RSU1: variants seen among roughly 807,000 people sequenced by gnomAD.
RSU1 encodes the protein rsu-1.
A neutral mutation model predicts 31.1 loss-of-function variants in RSU1; 26 were observed. That is an observed-to-expected ratio of 0.84 (90% CI 0.61 to 1.16). RSU1 has a LOEUF of 1.16. Ranked by LOEUF, RSU1 falls within the 50% of genes most tolerant of loss-of-function variation. The pLI is 0.00. For synonymous variants in RSU1, 164 were observed against 136.3 expected (o/e 1.20, Z -1.41); for missense variants, 320 against 339.1 (o/e 0.94, Z 0.44).
At chr10:16,605,473 G>A (rs1347975060) in intron 8 of RSU1, among the ~76,000 whole-genome samples, 1 of 152,140 alleles carries the variant, frequency 6.6e-6, no homozygotes, top group African/African-American at 2.4e-5. Context: ...CAAATACATG[G>A]ATCCCAACTG....
chr10:16,717,892 T>G (rs1836175691), intron 7 of RSU1, among the ~76,000 whole-genome samples: 1 of 152,022 alleles, frequency 6.6e-6, no homozygotes, highest in Non-Finnish European at 1.5e-5. Context: ...ACCACAATTT[T>G]GGACGCGGGT....
chr10:16,772,105 A>G (rs1837434425), intron 3 of RSU1, among the ~76,000 whole-genome samples: 1 of 152,226 alleles, frequency 6.6e-6, no homozygotes, highest in Non-Finnish European at 1.5e-5. Flanking sequence ...CCCTGGCTTA[A>G]CTCACCGCAA....
intron 8 of RSU1, among the ~76,000 whole-genome samples, chr10:16,593,860 C>T (rs778269898): frequency 1.5e-4 from 23 of 152,158 alleles, no homozygotes; most frequent in Non-Finnish European, 2.8e-4. Context: ...TAGTGAAAAG[C>T]GAGCATGATG....
intron 2 of RSU1, among the ~76,000 whole-genome samples, chr10:16,800,927 A>T (rs1174368349): frequency 6.6e-6 from 1 of 151,562 alleles, no homozygotes; most frequent in Non-Finnish European, 1.5e-5. Flanking sequence ...TAAATGCTCA[A>T]TTAAAGCCAC....
At chr10:16,594,747 TAAAATATACTATATTATCTATTATATATC>T (rs1457530286) in intron 8 of RSU1, among the ~76,000 whole-genome samples, 7 of 145,546 alleles carry the variant, frequency 4.8e-5, no homozygotes, top group Non-Finnish European at 1.1e-4. Flanking sequence ...ATATATCATA[TAAAATATACTATATTATCTATTATATATC>T]ATATATATAT....
At chr10:16,636,114 C>T (rs1834340863) in intron 8 of RSU1, among the ~76,000 whole-genome samples, 1 of 152,152 alleles carries the variant, frequency 6.6e-6, no homozygotes, top group African/African-American at 2.4e-5. Flanking sequence ...TAAGTGATCT[C>T]TTCCAGACTC....
intron 8 of RSU1, among the ~76,000 whole-genome samples, chr10:16,671,162 A>G (rs1262610663): frequency 2.0e-5 from 3 of 152,148 alleles, no homozygotes; most frequent in Non-Finnish European, 4.4e-5. Flanking sequence ...ACTACTCACA[A>G]TTGCAAAGAC....
intron 8 of RSU1, among the ~76,000 whole-genome samples, chr10:16,658,673 G>C (rs564107617): frequency 6.6e-6 from 1 of 152,200 alleles, no homozygotes; most frequent in African/African-American, 2.4e-5. Flanking sequence ...GCAGTAAGCT[G>C]AGATCGCGCC....
At chr10:16,708,218 A>G (rs1835943814) in intron 7 of RSU1, among the ~76,000 whole-genome samples, 1 of 152,198 alleles carries the variant, frequency 6.6e-6, no homozygotes, top group Non-Finnish European at 1.5e-5. Flanking sequence ...TAGTCAATTA[A>G]CATATTTTGT....
chr10:16,737,245 A>C (rs1017536641), intron 7 of RSU1, among the ~76,000 whole-genome samples: 5 of 152,062 alleles, frequency 3.3e-5, no homozygotes, highest in African/African-American at 7.2e-5. Context: ...AATTTATCAA[A>C]CTTTATGAAC....
intron 3 of RSU1, among the ~76,000 whole-genome samples, chr10:16,775,595 C>T (rs766246104): frequency 6.6e-6 from 1 of 152,168 alleles, no homozygotes; most frequent in Non-Finnish European, 1.5e-5. Flanking sequence ...CGACTTCATT[C>T]GCTGGCCTTG....
At chr10:16,760,238 A>G (rs867329841) in intron 4 of RSU1, among the ~76,000 whole-genome samples, 2 of 152,196 alleles carry the variant, frequency 1.3e-5, no homozygotes, top group Non-Finnish European at 2.9e-5. Flanking sequence ...GGCCGGGCGC[A>G]GTGGCTCATG....
chr10:16,743,888 T>C (rs1836798292), intron 7 of RSU1, among the ~76,000 whole-genome samples: 1 of 152,094 alleles, frequency 6.6e-6, no homozygotes, highest in South Asian at 2.1e-4. Flanking sequence ...CCTAACATTT[T>C]GGGAGGACAA....
intron 7 of RSU1, among the ~76,000 whole-genome samples, chr10:16,702,869 T>C (rs572195447): frequency 6.6e-6 from 1 of 152,288 alleles, no homozygotes; most frequent in Admixed American, 6.5e-5. Context: ...CAGAATGATA[T>C]CGTTTGGATC....
At chr10:16,629,338 C>T (rs114492766) in intron 8 of RSU1, among the ~76,000 whole-genome samples, 2,334 of 152,188 alleles carry the variant, frequency 0.015, 67 homozygotes, top group African/African-American at 0.053. Context: ...TGAACAGGAC[C>T]GAACTGCCAA....
chr10:16,652,817 G>C (rs1469311148), intron 8 of RSU1, among the ~76,000 whole-genome samples: 1 of 151,832 alleles, frequency 6.6e-6, no homozygotes, highest in East Asian at 1.9e-4. Flanking sequence ...CAAGTAGCAG[G>C]GACTACAGGT....
intron 8 of RSU1, among the ~76,000 whole-genome samples, chr10:16,687,576 A>G (rs914158939): frequency 5.9e-5 from 9 of 152,232 alleles, no homozygotes; most frequent in Non-Finnish European, 1.2e-4. Flanking sequence ...CATTTGGAAG[A>G]GAGTAAGAAC....
chr10:16,739,571 C>G (rs1049694863), intron 7 of RSU1, among the ~76,000 whole-genome samples: 1 of 147,936 alleles, frequency 6.8e-6, no homozygotes, highest in East Asian at 2.1e-4. Context: ...CCCAGGTTCA[C>G]GCCATTCTCC....
At chr10:16,700,595 T>C (rs1195262589) in intron 7 of RSU1, among the ~76,000 whole-genome samples, 2 of 152,264 alleles carry the variant, frequency 1.3e-5, no homozygotes, top group African/African-American at 4.8e-5. Flanking sequence ...CATTATCATG[T>C]GCTAGGCTAC....
Sources: gnomAD v4.1 joint callset for allele counts (sites outside exome capture counted in the v4.1 genomes callset) on GRCh38, gnomAD v4.1.1 for gene constraint, MANE v1.5 for transcripts, NCBI Gene and HGNC (gene_info 2026-07-23, HGNC 2026-07-21) for gene names.